The following EMC10 variants were observed in gnomAD, a reference collection of about 807,000 sequenced individuals.
EMC10 encodes the protein UPF0510 protein INM02.
In EMC10, 40 loss-of-function variants were observed where a neutral mutation model predicts 32.2. The observed-to-expected ratio is 1.24, with a 90% CI of 0.96 to 1.61. The LOEUF is 1.61. Ranked by LOEUF, EMC10 falls within the 40% of genes most tolerant of loss-of-function variation. The pLI is 0.00. For synonymous variants in EMC10, 178 were observed against 158.4 expected, an observed-to-expected ratio of 1.12 and a Z score of -0.93; for missense variants, 402 against 357.7, an observed-to-expected ratio of 1.12 and a Z score of -1.00.
At position 50,480,010 on chromosome 19, in the gene EMC10, G is replaced by C. The variant is rs889101769; in HGVS notation, c.298-101G>C. 2.2e-6 allele frequency: 2 copies of C among 906,682 alleles called. No homozygotes were observed. Among genetic ancestry groups the C allele is most frequent in the African/African-American group, 3.3e-5 (2 of 59,736 alleles). The allele number at this position is 906,682 out of a possible 1,614,324, so 56.2% of individuals were successfully genotyped here. A position where few individuals can be genotyped will look rare whatever the true frequency, so the allele number is the denominator to read the frequency against. Reference sequence around the variant, plus strand: ...CTGGGGAGTGTGGGCCGTGAGGTGGGTGGGGCTGGAGAGGGGCCTTCGCGG... The same window carrying C: ...CTGGGGAGTGTGGGCCGTGAGGTGGCTGGGGCTGGAGAGGGGCCTTCGCGG... On this transcript the variant is annotated intron_variant, in intron 3 of 6. Transcript: ENST00000334976. This position sits in a 1 kb window ranked among gnomAD's most constrained non-coding sequence, Gnocchi z 4.4.
Position 50,483,382 on chromosome 19 carries a change from A to C in EMC10, c.*1123A>C, listed in dbSNP as rs924644801. On this transcript the variant is annotated 3_prime_UTR_variant, in exon 7 of 7. Coordinates refer to ENST00000334976, the MANE Select transcript of EMC10 (RefSeq NM_206538.4). ...CCTCCTGCATTGTATGGTTATAAAT[A>C]GCACCCTAGTGAGTGCTGTCGTCCA... is the stretch of plus-strand genomic sequence containing the variant. The C allele has an allele frequency of 3.6e-6, 1 of 274,986 alleles. No homozygotes were observed. Among genetic ancestry groups the C allele is most frequent in the African/African-American group, 2.3e-5 (1 of 44,316 alleles). The allele number at this position is 274,986 out of a possible 1,614,324, so 17.0% of individuals were successfully genotyped here.
rs1307667685 is a variant in EMC10, at chr19:50,484,748, C to T, written c.*2489C>T. ...TTGGGAGGCTGAGACAGGAGGATCG[C>T]TTGAGCCCCAGAGTTCGATGCTTCC... On this transcript the variant is annotated 3_prime_UTR_variant, in exon 7 of 7. Coordinates refer to ENST00000334976, the MANE Select transcript of EMC10 (RefSeq NM_206538.4). 1.3e-5 allele frequency: 2 copies of T among 152,188 alleles called. No individual in the cohort carries two copies. The highest frequency in any genetic ancestry group is 3.9e-4 in the East Asian group (2 of 5,188). The allele number at this position is 152,188 out of a possible 1,614,324, so 9.4% of individuals were successfully genotyped here.
chr19:50,476,877 A>T, intron 1 of EMC10: 1 of 421,578 alleles, frequency 2.4e-6, no homozygotes, highest in South Asian at 4.5e-5. Context: ...ACCTGTCGGA[A>T]GGCTCTGGCT....
rs577404242 is a variant in EMC10 at position 50,482,139 on chromosome 19, C to A, written c.679-10C>A. ...TGTGTCTGTCTGTCCATCCTTCCGT[C>A]CGGCTGCAGTGGATGTACATCATTC... On this transcript the variant is annotated splice_polypyrimidine_tract_variant and intron_variant, in intron 6 of 6. Transcript: ENST00000334976. 2 of 1,552,726 alleles carry A rather than the reference C, an allele frequency of 1.3e-6. No homozygotes were observed. Among genetic ancestry groups the A allele is most frequent in the Non-Finnish European group, 1.8e-6 (2 of 1,124,628 alleles).
At chr19:50,478,853 T>C (rs545565556) in intron 2 of EMC10, 104 bp from the exon 3 acceptor site, 27 of 773,592 alleles carry the variant, frequency 3.5e-5, no homozygotes, top group Non-Finnish European at 5.8e-5. Context: ...ACCTGGTCAC[T>C]CGGGTGGAGG....
intron 6 of EMC10, 107 bp downstream of exon 6, chr19:50,481,084 C>T (rs2040313058): frequency 2.5e-6 from 2 of 814,618 alleles, no homozygotes; most frequent in South Asian, 1.7e-5. Context: ...CGGGCCTGCT[C>T]CTTGTCCTCC....
At position 50,482,699 on chromosome 19, in the gene EMC10, A is replaced by T; in HGVS notation, c.*440A>T. On this transcript the variant is annotated 3_prime_UTR_variant, in exon 7 of 7. Transcript: ENST00000334976. ...TAGGTGGTCCTGTCCAGGCTCCTGC[A>T]GCGCCCCCCTCACTTTGACACTGGA... The T allele has an allele frequency of 2.1e-6, 1 of 478,078 alleles. No individual in the cohort carries two copies. The allele number at this position is 478,078 out of a possible 1,614,324, so 29.6% of individuals were successfully genotyped here.
In EMC10 at chr19:50,483,121, G is replaced by A. The variant is rs940913223; in HGVS notation, c.*862G>A. 3 of 473,556 alleles carry A rather than the reference G, an allele frequency of 6.3e-6. No individual in the cohort carries two copies. The highest frequency in any genetic ancestry group is 1.5e-5 in the South Asian group (1 of 64,706). 29.3% of individuals were successfully genotyped at this position (473,556 alleles called of 1,614,324 possible). A position where few individuals can be genotyped will look rare whatever the true frequency, so the allele number is the denominator to read the frequency against. ...CCCTGTAAGTCTATTTAAAAACATC[G>A]ACGATACATTGAAATGTGTGAACGT... On this transcript the variant is annotated 3_prime_UTR_variant, in exon 7 of 7. Coordinates refer to ENST00000334976, the MANE Select transcript of EMC10 (RefSeq NM_206538.4).
Position 50,482,226 on chromosome 19 carries a change from G to T in EMC10, c.756G>T (p.Gly252=), listed in dbSNP as rs536483824. 1.3e-4 allele frequency: 132 copies of T among 1,040,914 alleles called. No individual in the cohort carries two copies. Among genetic ancestry groups the T allele is most frequent in the African/African-American group, 1.3e-3 (80 of 63,364 alleles). The allele number at this position is 1,040,914 out of a possible 1,614,324, so 64.5% of individuals were successfully genotyped here. A position where few individuals can be genotyped will look rare whatever the true frequency, so the allele number is the denominator to read the frequency against. ...ACACCGGGGGCCAGGGTGGGGGTGG[G>T]GGTGGGGGTGGTGGTGGGGGTAGTG... The part of the protein sequence containing the change: ...APDTGGQGGG[G]GGGGGGGSGR The change falls in exon 7 of 7, where the codon GGG becomes GGT. Residue 252 remains glycine (G), a synonymous_variant. Transcript: ENST00000334976.
Position 50,481,880 on chromosome 19 carries a change from G to C in EMC10, c.679-269G>C. On this transcript the variant is annotated intron_variant, in intron 6 of 6. Coordinates refer to ENST00000334976, the MANE Select transcript of EMC10 (RefSeq NM_206538.4). ...CCCCAGTGGCACATCATCCTGGGGG[G>C]GGCCGTGTTGCTCACAGCCCTGCGT... 1.9e-6 allele frequency: 3 copies of C among 1,589,918 alleles called. No individual in the cohort carries two copies. In the South Asian group the frequency reaches 3.4e-5, roughly 18 times the overall value.
In EMC10 at chr19:50,480,161, C is replaced by T. The variant is rs766554890; in HGVS notation, c.348C>T (p.Pro116=). ...ACCGGGTCCGGATCCCAAGGCGACC[C>T]GGGGCCCTGGATGGCCTGGAAGCTG... ...GLYRVRIPRR[P]GALDGLEAGG... is the part of the protein sequence containing the mutation. Residue 116 remains proline, a synonymous_variant, in exon 4 of 7, where the codon CCC becomes CCT. Coordinates refer to ENST00000334976, the MANE Select transcript of EMC10 (RefSeq NM_206538.4). This position sits in a 1 kb window ranked among gnomAD's most constrained non-coding sequence, Gnocchi z 4.4. The T allele has an allele frequency of 1.1e-4, 172 of 1,613,738 alleles. No homozygotes were observed. The highest frequency in any genetic ancestry group is 1.1e-3 in the South Asian group (96 of 90,924).
intron 6 of EMC10, 170 bp downstream of exon 6, chr19:50,481,147 G>A (rs911647157): frequency 3.3e-6 from 2 of 603,470 alleles, no homozygotes; most frequent in Admixed American, 3.1e-5. Flanking sequence ...CAGGAAGAGG[G>A]TATGGAAGTG....
chr19:50,482,464 T>C lies in EMC10; in HGVS notation c.*205T>C, dbSNP rs1013707313. On this transcript the variant is annotated 3_prime_UTR_variant, in exon 7 of 7. Coordinates refer to ENST00000334976, the MANE Select transcript of EMC10 (RefSeq NM_206538.4). ...CTGGGGCCTTTGGCACAGCAGCCGG[T>C]GTCTCCTGCGCCCGCCTCCCCCATG... is the stretch of plus-strand genomic sequence containing the variant. The C allele has an allele frequency of 1.7e-5, 10 of 589,168 alleles. No homozygotes were observed. The highest frequency in any genetic ancestry group is 1.5e-4 in the African/African-American group (8 of 52,984). 36.5% of individuals were successfully genotyped at this position (589,168 alleles called of 1,614,324 possible).
Position 50,480,857 on chromosome 19 carries a change from C to G in EMC10, c.585-27C>G. 1.3e-6 allele frequency: 2 copies of G among 1,583,006 alleles called. No homozygotes were observed. The highest frequency in any genetic ancestry group is 1.7e-6 in the Non-Finnish European group (2 of 1,161,274). The stretch of plus-strand genomic sequence containing the variant: ...CAGGTCCCTGGACTCCGGGCCTCAC[C>G]CTTCTCCTCCTCTCCCCTTGCCCCA... On this transcript the variant is annotated intron_variant, in intron 5 of 6. Transcript: ENST00000334976. The surrounding 1 kb of genome is among the most constrained non-coding windows in gnomAD (Gnocchi z 4.4).
Position 50,476,562 on chromosome 19 carries a change from T to G in EMC10, c.18T>G (p.Ala6=). Reference sequence around the variant, plus strand: ...AAGCCGAGATGGCGGCAGCCAGCGCTGGGGCAACCCGGCTGCTCCTGCTCT... The same window carrying G: ...AAGCCGAGATGGCGGCAGCCAGCGCGGGGGCAACCCGGCTGCTCCTGCTCT... MAAAS[A]GATRLLLLLL... is the part of the protein sequence containing the mutation. Residue 6 remains alanine, a synonymous_variant, in exon 1 of 7, where the codon GCT becomes GCG. Transcript: ENST00000334976. The G allele has an allele frequency of 6.3e-7, 1 of 1,575,666 alleles. No homozygotes were observed. Among genetic ancestry groups the G allele is most frequent in the South Asian group, 1.1e-5 (1 of 87,842 alleles).
In EMC10 at chr19:50,482,195, C is replaced by G. The variant is rs368713361; in HGVS notation, c.725C>G (p.Ala242Gly). 6.3e-7 allele frequency: 1 copy of G among 1,576,452 alleles called. No homozygotes were observed. Among genetic ancestry groups the G allele is most frequent in the Non-Finnish European group, 8.7e-7 (1 of 1,149,726 alleles). The change falls in exon 7 of 7, where the codon GCG becomes GGG. Residue 242 changes from alanine to glycine, a missense_variant. Coordinates refer to ENST00000334976, the MANE Select transcript of EMC10 (RefSeq NM_206538.4). ...PVVLFLMMSG[A>G]PDTGGQGGGG... The stretch of plus-strand genomic sequence containing the variant: ...GTCCTGTTCCTCATGATGTCAGGAG[C>G]GCCAGACACCGGGGGCCAGGGTGGG...
At chr19:50,481,439 A>T (rs928138129) in intron 6 of EMC10, 22 of 226,134 alleles carry the variant, frequency 9.7e-5, no homozygotes, top group Non-Finnish European at 3.4e-5. Context: ...TGCTGCCAGC[A>T]GCAGGTCTGA....
chr19:50,478,993 T>C lies in EMC10; in HGVS notation c.224T>C (p.Leu75Pro), dbSNP rs745710216. 2 of 1,611,424 alleles carry C rather than the reference T, an allele frequency of 1.2e-6. No homozygotes were observed. The highest frequency in any genetic ancestry group is 2.2e-5 in the South Asian group (2 of 90,672). The change falls in exon 3 of 7, where the codon CTC becomes CCC. Residue 75 changes from leucine (L) to proline (P), a missense_variant. By Grantham distance (98) the Leu-to-Pro change is moderately conservative (BLOSUM62 -3). Transcript: ENST00000334976. ...AACTTCCGGAAGCGGGGCTCACTGC[T>C]CTGGAACCAGCAGGATGGTACCTTG... ...SANFRKRGSLLWNQQDGTLSL... is the reference protein window; with the variant it reads ...SANFRKRGSLPWNQQDGTLSL...
At chr19:50,478,251 C>T (rs2040261332) in intron 2 of EMC10, among the ~76,000 whole-genome samples, 1 of 152,226 alleles carries the variant, frequency 6.6e-6, no homozygotes, top group African/African-American at 2.4e-5. Context: ...CTTTCCTGAT[C>T]AGTCGCCACG....
Sources: allele counts gnomAD v4.1 joint callset (sites outside exome capture counted in the v4.1 genomes callset), GRCh38; gene constraint gnomAD v4.1.1; non-coding constraint Gnocchi (gnomAD v3.1); transcripts MANE v1.5; gene names NCBI Gene and HGNC (gene_info 2026-07-23, HGNC 2026-07-21).